The following GREB1L variants were observed in gnomAD, a reference collection of about 807,000 sequenced individuals.
GREB1L encodes GREB1 like retinoic acid receptor coactivator.
Under a neutral mutation model 200.8 loss-of-function variants are expected in GREB1L, and 17 were observed. The ratio of observed to expected loss-of-function variants is 0.08; its 90% CI spans 0.06 to 0.13. GREB1L has a LOEUF of 0.13. Ranked by LOEUF, GREB1L falls within the 10% of genes least tolerant of loss-of-function variation. The probability of loss-of-function intolerance (pLI) is 1.00; values close to 1 mark genes in which losing one functional copy is unlikely to be tolerated. For missense variants in GREB1L, 1,657 were observed against 2,367.7 expected (o/e 0.70, Z 6.23); for synonymous variants, 789 against 893.0 (o/e 0.88, Z 2.08).
intron 7 of GREB1L, among the ~76,000 whole-genome samples, chr18:21,409,101 A>G (rs1478875395): frequency 6.6e-6 from 1 of 152,208 alleles, no homozygotes; most frequent in Non-Finnish European, 1.5e-5. Flanking sequence ...TATTCGTTAT[A>G]ACAAAAAGCT....
intron 1 of GREB1L, among the ~76,000 whole-genome samples, chr18:21,338,858 G>A (rs370950685): frequency 2.0e-5 from 3 of 152,222 alleles, no homozygotes; most frequent in South Asian, 2.1e-4. Context: ...GATCATGTCC[G>A]TGGATCAAAA....
chr18:21,242,944 C>T (rs1452752998), intron 1 of GREB1L, among the ~76,000 whole-genome samples: 3 of 152,120 alleles, frequency 2.0e-5, no homozygotes, highest in Non-Finnish European at 4.4e-5. Context: ...TGAGAACGTC[C>T]AGAGGTGGCT....
At chr18:21,272,113 G>A (rs1321100026) in intron 1 of GREB1L, among the ~76,000 whole-genome samples, 1 of 152,186 alleles carries the variant, frequency 6.6e-6, no homozygotes, top group African/African-American at 2.4e-5. Flanking sequence ...GCTAACTGCT[G>A]TAGCACACAT....
intron 17 of GREB1L, among the ~76,000 whole-genome samples, chr18:21,479,099 C>A (rs1164606852): frequency 6.6e-6 from 1 of 152,060 alleles, no homozygotes; most frequent in African/African-American, 2.4e-5. Flanking sequence ...CCAGGCTGGT[C>A]TCGAACTCGC....
At chr18:21,424,731 A>T (rs2032426901) in intron 7 of GREB1L, among the ~76,000 whole-genome samples, 2 of 152,352 alleles carry the variant, frequency 1.3e-5, no homozygotes, top group South Asian at 4.1e-4. Context: ...ATATTCACAG[A>T]ATTATGCAAT....
chr18:21,286,424 A>G (rs186024650), intron 1 of GREB1L, among the ~76,000 whole-genome samples: 128 of 152,342 alleles, frequency 8.4e-4, no homozygotes, highest in Admixed American at 2.9e-3. Flanking sequence ...ATCTCTAGAA[A>G]TAATGTTCAT....
intron 1 of GREB1L, among the ~76,000 whole-genome samples, chr18:21,343,437 T>C (rs934462536): frequency 3.9e-5 from 6 of 152,222 alleles, no homozygotes; most frequent in Non-Finnish European, 7.3e-5. Context: ...CCATGTATTA[T>C]TGTGCTTCAC....
At chr18:21,388,565 T>C (rs1467435439) in intron 4 of GREB1L, among the ~76,000 whole-genome samples, 1 of 120,802 alleles carries the variant, frequency 8.3e-6, no homozygotes, top group Non-Finnish European at 1.6e-5. Context: ...TTTTTGAGAC[T>C]GAATCTTGCT....
intron 1 of GREB1L, among the ~76,000 whole-genome samples, chr18:21,328,322 C>T (rs530016532): frequency 6.6e-6 from 1 of 152,270 alleles, no homozygotes; most frequent in African/African-American, 2.4e-5. Context: ...TGTCCCAATG[C>T]ATTGAATCGA....
intron 1 of GREB1L, among the ~76,000 whole-genome samples, chr18:21,267,949 G>T (rs987020409): frequency 3.3e-5 from 5 of 152,132 alleles, no homozygotes; most frequent in African/African-American, 1.2e-4. Flanking sequence ...CAGTAGAATG[G>T]TGAAGTGAGG....
rs143295380 is a variant in GREB1L, at chr18:21,395,598, G to A, written c.532+37G>A. The A allele has an allele frequency of 4.2e-6, 6 of 1,436,336 alleles. No homozygotes were observed. The East Asian group carries it at 1.0e-4, about 24-fold the overall frequency. 89.0% of individuals were successfully genotyped at this position (1,436,336 alleles called of 1,614,324 possible). ...ATGCTTATAAAATTCCTTCCAATATGAGGGAGTTAAAATACACATTTATTT... is the reference window on the plus strand; with the variant it reads ...ATGCTTATAAAATTCCTTCCAATATAAGGGAGTTAAAATACACATTTATTT... On this transcript the variant is annotated intron_variant, in intron 5 of 32. Transcript: ENST00000424526.
intron 4 of GREB1L, among the ~76,000 whole-genome samples, chr18:21,395,002 A>G (rs1405895472): frequency 1.1e-4 from 16 of 144,528 alleles, no homozygotes; most frequent in Admixed American, 2.8e-4. Context: ...GCTACTCGGG[A>G]GGCTGAGGCA....
At chr18:21,311,267 G>A (rs534802376) in intron 1 of GREB1L, among the ~76,000 whole-genome samples, 1 of 152,306 alleles carries the variant, frequency 6.6e-6, no homozygotes, top group South Asian at 2.1e-4. Flanking sequence ...CTTTGACAGT[G>A]GGGTGATAAA....
In GREB1L at chr18:21,288,015, G is replaced by A. The variant is rs2038385810; in HGVS notation, c.-120+45622G>A. Among the ~76,000 whole-genome samples, 3 of 152,004 alleles carry A rather than the reference G, an allele frequency of 2.0e-5. No individual in the cohort carries two copies. In the South Asian group the frequency reaches 6.2e-4, roughly 31 times the overall value. ...AGATGGGGTTTCATCATGTTGGCCA[G>A]GATGGTCTCTATCTCCTGACCTCAT... On this transcript the variant is annotated intron_variant, in intron 1 of 32. Transcript: ENST00000424526.
chr18:21,360,223 A>G (rs2039562158), intron 1 of GREB1L, among the ~76,000 whole-genome samples: 1 of 152,010 alleles, frequency 6.6e-6, no homozygotes, highest in South Asian at 2.1e-4. Context: ...TTGTTTTATT[A>G]TTATTATTTC....
At chr18:21,408,570 G>A (rs568416758) in intron 7 of GREB1L, among the ~76,000 whole-genome samples, 2 of 152,176 alleles carry the variant, frequency 1.3e-5, no homozygotes, top group Admixed American at 1.3e-4. Context: ...CGAGGCAGGT[G>A]GATCATCCGA....
At position 21,525,855 on chromosome 18, in the gene GREB1L, T is replaced by C. The variant is rs1043051374; in HGVS notation, c.*3034T>C. The stretch of plus-strand genomic sequence containing the variant: ...CTTTCAATCTATTAATAAAGTGTAG[T>C]AAATTAAAAGAATTTGACATAGATT... On this transcript the variant is annotated 3_prime_UTR_variant, in exon 33 of 33. Transcript: ENST00000424526. Among the ~76,000 whole-genome samples, 22 of 127,358 alleles carry C rather than the reference T, an allele frequency of 1.7e-4. No homozygotes were observed. Among genetic ancestry groups the C allele is most frequent in the African/African-American group, 5.2e-4 (21 of 40,232 alleles). The allele number at this position is 127,358 out of a possible 152,430, so 83.6% of individuals were successfully genotyped here.
chr18:21,385,764 C>T (rs1251774139), intron 4 of GREB1L, among the ~76,000 whole-genome samples: 3 of 152,152 alleles, frequency 2.0e-5, no homozygotes, highest in East Asian at 1.9e-4. Flanking sequence ...GTGCTTAAAA[C>T]GTTGTTGGAT....
At chr18:21,369,638 T>A (rs2039798501) in intron 2 of GREB1L, among the ~76,000 whole-genome samples, 1 of 152,178 alleles carries the variant, frequency 6.6e-6, no homozygotes, top group African/African-American at 2.4e-5. Flanking sequence ...ATTGCATATC[T>A]GTAAGTATAT....
Sources: gnomAD v4.1 joint callset for allele counts (sites outside exome capture counted in the v4.1 genomes callset) on GRCh38, gnomAD v4.1.1 for gene constraint, MANE v1.5 for transcripts, NCBI Gene and HGNC (gene_info 2026-07-23, HGNC 2026-07-21) for gene names.